Variants in MTSS1 observed in about 807,000 individuals in gnomAD.
MTSS1 encodes the protein MTSS I-BAR domain containing 1, also known as protein MTSS 1.
A neutral mutation model predicts 79.0 loss-of-function variants in MTSS1; 18 were observed. The observed-to-expected ratio is 0.23, with a 90% CI of 0.16 to 0.34. The LOEUF (loss-of-function observed/expected upper bound fraction) is 0.34, where lower values mean the gene tolerates loss of function less well. Ranked by LOEUF, MTSS1 falls within the 10% of genes least tolerant of loss-of-function variation. MTSS1 has a pLI of 1.00. For missense variants in MTSS1, 815 were observed against 986.2 expected, an observed-to-expected ratio of 0.83 and a Z score of 2.33; for synonymous variants, 341 against 368.6, an observed-to-expected ratio of 0.93 and a Z score of 0.86.
rs553147231 is a variant in MTSS1, at chr8:124,717,451, G to A, written c.72+10433C>T. On this transcript the variant is annotated intron_variant, in intron 1 of 13. Coordinates refer to ENST00000518547, the MANE Select transcript of MTSS1 (RefSeq NM_014751.6). ...GCAGAGGTGGCAGCGAGCCAAGATT[G>A]CACCACTGCACACTCCGGCCTGGGG... Among the ~76,000 whole-genome samples, 4 of 151,710 alleles carry A rather than the reference G, an allele frequency of 2.6e-5. No individual in the cohort carries two copies. In the East Asian group the frequency reaches 7.7e-4, roughly 29 times the overall value.
intron 2 of MTSS1, among the ~76,000 whole-genome samples, chr8:124,700,284 T>C (rs936316752): frequency 3.3e-5 from 5 of 151,954 alleles, no homozygotes; most frequent in Non-Finnish European, 5.9e-5. Context: ...AGGAAAGCAA[T>C]ATATATATAT....
At chr8:124,671,266 C>T (rs1411213197) in intron 3 of MTSS1, among the ~76,000 whole-genome samples, 1 of 152,106 alleles carries the variant, frequency 6.6e-6, no homozygotes, top group Non-Finnish European at 1.5e-5. Flanking sequence ...TCATGACCCG[C>T]ACCAACCTTC....
At chr8:124,554,946 C>T (rs886228591) in intron 13 of MTSS1, among the ~76,000 whole-genome samples, 5 of 152,176 alleles carry the variant, frequency 3.3e-5, no homozygotes, top group African/African-American at 1.2e-4. Context: ...CAGGCTCAAG[C>T]AGTCCTCCCA....
intron 3 of MTSS1, among the ~76,000 whole-genome samples, chr8:124,647,182 T>G (rs1230888275): frequency 2.6e-5 from 4 of 152,218 alleles, no homozygotes; most frequent in African/African-American, 9.6e-5. Flanking sequence ...TACCTACATT[T>G]TCAAAAACTA....
In MTSS1 at chr8:124,597,660, G is replaced by C. The variant is rs906251217; in HGVS notation, c.209-6425C>G. ...ATTCTTGGGGGCTACAGTGTGGGCA[G>C]GTGGCGAGCGAGGACTGAAAAGACG... On this transcript the variant is annotated intron_variant, in intron 3 of 13. Transcript: ENST00000518547. The surrounding 1 kb of genome is among the most constrained non-coding windows in gnomAD (Gnocchi z 4.6). Among the ~76,000 whole-genome samples the C allele has an allele frequency of 1.3e-5, 2 of 152,336 alleles. No homozygotes were observed. Among genetic ancestry groups the C allele is most frequent in the Non-Finnish European group, 2.9e-5 (2 of 68,022 alleles).
chr8:124,611,280 T>A (rs1235961269), intron 3 of MTSS1, among the ~76,000 whole-genome samples: 1 of 152,056 alleles, frequency 6.6e-6, no homozygotes, highest in East Asian at 1.9e-4. Context: ...GAGCCAGGGG[T>A]GAGCTGGGGG....
intron 3 of MTSS1, among the ~76,000 whole-genome samples, chr8:124,665,867 C>CAAA (rs61669209): frequency 3.5e-4 from 36 of 102,888 alleles, no homozygotes; most frequent in South Asian, 2.0e-3. Context: ...AACTCCTTCT[C>CAAA]AAAAAAAAAA....
At chr8:124,675,628 C>T (rs1352833758) in intron 3 of MTSS1, among the ~76,000 whole-genome samples, 7 of 152,142 alleles carry the variant, frequency 4.6e-5, no homozygotes, top group Admixed American at 6.5e-5. Flanking sequence ...AAAATAAACC[C>T]CCATGGCCAC....
chr8:124,711,063 A>C (rs1407389716), intron 1 of MTSS1, among the ~76,000 whole-genome samples: 1 of 152,178 alleles, frequency 6.6e-6, no homozygotes, highest in African/African-American at 2.4e-5. Context: ...GTAACTTCCC[A>C]AGTATCTCTG....
chr8:124,704,969 T>TC (rs956357987), intron 1 of MTSS1, among the ~76,000 whole-genome samples: 38 of 152,238 alleles, frequency 2.5e-4, no homozygotes, highest in Admixed American at 2.3e-3. Context: ...TCTCTACTCT[T>TC]CCTCTAAGTG....
At chr8:124,561,050 TTTACC>T (rs1375952640) in intron 10 of MTSS1, among the ~76,000 whole-genome samples, 5 of 152,222 alleles carry the variant, frequency 3.3e-5, no homozygotes, top group Admixed American at 1.3e-4. Context: ...CAATTTCCCC[TTTACC>T]TTATAATAAT....
chr8:124,707,423 A>AC (rs1830544718), intron 1 of MTSS1, among the ~76,000 whole-genome samples: 1 of 151,728 alleles, frequency 6.6e-6, no homozygotes, highest in Non-Finnish European at 1.5e-5. Flanking sequence ...AAACAAACAA[A>AC]AAAAAAACAC....
chr8:124,712,008 A>G (rs983771043), intron 1 of MTSS1, among the ~76,000 whole-genome samples: 2 of 132,004 alleles, frequency 1.5e-5, no homozygotes, highest in Admixed American at 7.3e-5. Flanking sequence ...ACTGTCTCAG[A>G]AAAAAAAAAA....
intron 3 of MTSS1, among the ~76,000 whole-genome samples, chr8:124,678,458 G>A (rs374579170): frequency 6.6e-6 from 1 of 152,222 alleles, no homozygotes; most frequent in African/African-American, 2.4e-5. Context: ...TGGACTCACA[G>A]TTCCACATGG....
intron 5 of MTSS1, among the ~76,000 whole-genome samples, chr8:124,585,857 T>C (rs1830779580): frequency 6.6e-6 from 1 of 152,010 alleles, no homozygotes; most frequent in Non-Finnish European, 1.5e-5. Flanking sequence ...AACCCCTATG[T>C]GGAAAAGATG....
At chr8:124,610,058 C>T (rs1206365148) in intron 3 of MTSS1, among the ~76,000 whole-genome samples, 2 of 152,182 alleles carry the variant, frequency 1.3e-5, no homozygotes, top group Non-Finnish European at 2.9e-5. Context: ...AGGGAAAGAA[C>T]ATATGTAACT....
intron 3 of MTSS1, among the ~76,000 whole-genome samples, chr8:124,654,224 T>C (rs762792939): frequency 1.2e-4 from 19 of 152,212 alleles, no homozygotes; most frequent in Non-Finnish European, 2.6e-4. Context: ...GCTGATACAA[T>C]CCTGAAGGTT....
At chr8:124,567,510 A>C (rs923304534) in intron 7 of MTSS1, 3 of 952,730 alleles carry the variant, frequency 3.1e-6, no homozygotes, top group South Asian at 2.2e-5. Flanking sequence ...AGCCCTCTTC[A>C]TACTGTGGCC....
rs200040602 is a variant in MTSS1 at position 124,615,241 on chromosome 8, G to C, written c.209-24006C>G. ...AAATGGCTTCAGGAAAGCCATGCTG[G>C]GGGGTAGGCAGAGCTCTCACCCCAA... On this transcript the variant is annotated intron_variant, in intron 3 of 13. Transcript: ENST00000518547. Among the ~76,000 whole-genome samples the C allele has an allele frequency of 2.0e-5, 3 of 152,134 alleles. No homozygotes were observed. In the South Asian group the frequency reaches 6.2e-4, roughly 32 times the overall value.
Sources: allele counts gnomAD v4.1 joint callset (sites outside exome capture counted in the v4.1 genomes callset), GRCh38; gene constraint gnomAD v4.1.1; non-coding constraint Gnocchi (gnomAD v3.1); transcripts MANE v1.5; gene names NCBI Gene and HGNC (gene_info 2026-07-23, HGNC 2026-07-21).